The following RHOA variants were observed in gnomAD, a reference collection of about 807,000 sequenced individuals.
RHOA encodes transforming protein RhoA.
A neutral mutation model predicts 17.5 loss-of-function variants in RHOA; 3 were observed. The ratio of observed to expected loss-of-function variants is 0.17; its 90% CI spans 0.08 to 0.44. The LOEUF is 0.44. RHOA is among the 20% of genes least tolerant of loss of function. The probability of loss-of-function intolerance (pLI) is 0.99; values close to 1 mark genes in which losing one functional copy is unlikely to be tolerated. For missense variants in RHOA, 56 were observed against 242.3 expected, an observed-to-expected ratio of 0.23 and a Z score of 5.10; for synonymous variants, 98 against 88.4, an observed-to-expected ratio of 1.11 and a Z score of -0.61.
intron 1 of RHOA, among the ~76,000 whole-genome samples, chr3:49,399,231 G>A (rs570177269): frequency 7.1e-4 from 108 of 151,738 alleles, no homozygotes; most frequent in South Asian, 1.9e-3. Flanking sequence ...TTAGCTGGGC[G>A]TGGCGGCGGG....
chr3:49,381,899 G>C (rs2048323997), intron 1 of RHOA, among the ~76,000 whole-genome samples: 1 of 151,574 alleles, frequency 6.6e-6, no homozygotes, highest in East Asian at 1.9e-4. Context: ...AAGTTCCCCA[G>C]TTAGAGTCAA....
rs577492256 is a variant in RHOA at position 49,375,261 on chromosome 3, A to C, written c.156+173T>G. 4.9e-4 allele frequency among the ~76,000 whole-genome samples: 71 copies of C among 144,004 alleles called. No homozygotes were observed. In the East Asian group the frequency reaches 0.014, roughly 28 times the overall value. 94.5% of individuals were successfully genotyped at this position (144,004 alleles called of 152,430 possible). A position where few individuals can be genotyped will look rare whatever the true frequency, so the allele number is the denominator to read the frequency against. ...GGCAACAGAATGAGACTCCGTCTCC[A>C]AAAAAAAAAAAAGAACAAACTTGGA... On this transcript the variant is annotated intron_variant, in intron 2 of 4. Transcript: ENST00000418115.
chr3:49,377,147 G>A (rs1340863026), intron 1 of RHOA, among the ~76,000 whole-genome samples: 4 of 152,024 alleles, frequency 2.6e-5, no homozygotes, highest in Non-Finnish European at 1.5e-5. Flanking sequence ...AAAATCAATT[G>A]AGGCCGAGCA....
At chr3:49,396,666 C>G (rs2048621578) in intron 1 of RHOA, among the ~76,000 whole-genome samples, 1 of 151,932 alleles carries the variant, frequency 6.6e-6, no homozygotes. Flanking sequence ...AAAATCGTAC[C>G]ACTGCTCTCC....
intron 1 of RHOA, among the ~76,000 whole-genome samples, chr3:49,410,540 A>G (rs905565413): frequency 1.3e-5 from 2 of 152,226 alleles, no homozygotes; most frequent in African/African-American, 4.8e-5. Flanking sequence ...AAGACAAGTT[A>G]TCCAGAGATC....
chr3:49,372,248 T>A (rs2048157536), intron 2 of RHOA, among the ~76,000 whole-genome samples: 2 of 152,166 alleles, frequency 1.3e-5, no homozygotes, highest in African/African-American at 4.8e-5. Flanking sequence ...AAAACACCTA[T>A]GTCCAAGCAT....
At chr3:49,411,648 G>A (rs1378546575) in intron 1 of RHOA, among the ~76,000 whole-genome samples, 172 bp downstream of exon 1, 1 of 151,654 alleles carries the variant, frequency 6.6e-6, no homozygotes, top group Admixed American at 6.6e-5. Flanking sequence ...GTCGCCGCTT[G>A]GGGCGCGGGG....
chr3:49,362,710 CACTT>C lies in RHOA; in HGVS notation c.278-88_278-85del, dbSNP rs1404667490. 4.2e-6 allele frequency: 5 copies of C among 1,182,134 alleles called. No individual in the cohort carries two copies. In the African/African-American group the frequency reaches 7.7e-5, roughly 18 times the overall value. 73.2% of individuals were successfully genotyped at this position (1,182,134 alleles called of 1,614,324 possible). On this transcript the variant is annotated intron_variant, in intron 3 of 4. Coordinates refer to ENST00000418115, the MANE Select transcript of RHOA (RefSeq NM_001664.4). Reference sequence around the variant, plus strand: ...AAGAACCTCAGTGAAATTGCAGAGACACTTTCTTTGTGGCTTCAGAAAAATGCTA... The same window carrying C: ...AAGAACCTCAGTGAAATTGCAGAGACTCTTTGTGGCTTCAGAAAAATGCTA...
chr3:49,361,995 C>A (rs1051866022), intron 4 of RHOA, among the ~76,000 whole-genome samples: 1 of 151,972 alleles, frequency 6.6e-6, no homozygotes, highest in African/African-American at 2.4e-5. Context: ...CAAGACCAGC[C>A]TGGCCAACAG....
At chr3:49,378,738 G>T (rs1484712830) in intron 1 of RHOA, among the ~76,000 whole-genome samples, 1 of 151,890 alleles carries the variant, frequency 6.6e-6, no homozygotes, top group Non-Finnish European at 1.5e-5. Context: ...CCAGTAGCTG[G>T]GACTACCAGG....
At chr3:49,384,270 G>T (rs1438585778) in intron 1 of RHOA, among the ~76,000 whole-genome samples, 1 of 152,132 alleles carries the variant, frequency 6.6e-6, no homozygotes, top group African/African-American at 2.4e-5. Flanking sequence ...AAACGCAGGA[G>T]AAATTTTGCA....
At chr3:49,393,866 C>T (rs1296601927) in intron 1 of RHOA, among the ~76,000 whole-genome samples, 3 of 149,982 alleles carry the variant, frequency 2.0e-5, no homozygotes, top group Admixed American at 6.7e-5. Flanking sequence ...TGCACCACTA[C>T]GCCTGGCTAA....
intron 1 of RHOA, among the ~76,000 whole-genome samples, chr3:49,388,223 G>A (rs974539043): frequency 1.7e-4 from 26 of 151,932 alleles, no homozygotes; most frequent in African/African-American, 6.3e-4. Flanking sequence ...GTTTTGCCAT[G>A]TTGCCCAGGC....
chr3:49,390,103 G>A (rs180785027), intron 1 of RHOA, among the ~76,000 whole-genome samples: 31 of 151,978 alleles, frequency 2.0e-4, no homozygotes, highest in African/African-American at 7.5e-4. Flanking sequence ...CAGACTGTGA[G>A]AAGCAAATAG....
intron 4 of RHOA, 149 bp from the exon 5 acceptor site, chr3:49,360,531 G>A: frequency 1.3e-6 from 1 of 746,952 alleles, no homozygotes. Flanking sequence ...GCAATGGCAT[G>A]ATCTCAGCTG....
At chr3:49,408,251 CATATAT>C (rs1226863751) in intron 1 of RHOA, among the ~76,000 whole-genome samples, 14 of 130,950 alleles carry the variant, frequency 1.1e-4, no homozygotes, top group Admixed American at 8.9e-4. Context: ...TATATGTACA[CATATAT>C]ATACGTATAC....
chr3:49,411,501 G>C (rs1422025581), intron 1 of RHOA, among the ~76,000 whole-genome samples: 2 of 152,196 alleles, frequency 1.3e-5, no homozygotes, highest in African/African-American at 4.8e-5. Flanking sequence ...CCCCCGCCCT[G>C]CCCGGCGCCG....
intron 1 of RHOA, among the ~76,000 whole-genome samples, chr3:49,397,147 A>G (rs990111540): frequency 1.3e-5 from 2 of 151,612 alleles, no homozygotes; most frequent in African/African-American, 4.8e-5. Flanking sequence ...AAAAAAAAAA[A>G]AGTCAGAAAA....
intron 3 of RHOA, among the ~76,000 whole-genome samples, chr3:49,367,355 A>AAAAAAAAAAAAG (rs2048074687): frequency 6.7e-6 from 1 of 149,652 alleles, no homozygotes; most frequent in Non-Finnish European, 1.5e-5. Context: ...AAAAAAAAAA[A>AAAAAAAAAAAAG]AAAAAAAAAA....
Sources: gnomAD v4.1 joint callset for allele counts (sites outside exome capture counted in the v4.1 genomes callset) on GRCh38, gnomAD v4.1.1 for gene constraint, MANE v1.5 for transcripts, NCBI Gene and HGNC (gene_info 2026-07-23, HGNC 2026-07-21) for gene names.